Variants in MBD5 observed in about 807,000 individuals in gnomAD.
MBD5 encodes methyl-CpG binding domain protein 5.
A neutral mutation model predicts 117.3 loss-of-function variants in MBD5; 13 were observed. That is an observed-to-expected ratio of 0.11 (90% CI 0.07 to 0.18). The LOEUF is 0.18. Among genes scored for constraint, MBD5 ranks in the 10% least tolerant of loss-of-function variants. The pLI is 1.00. For missense variants in MBD5, 1,879 were observed against 2,093.8 expected, an observed-to-expected ratio of 0.90 and a Z score of 2.00; for synonymous variants, 727 against 766.4, an observed-to-expected ratio of 0.95 and a Z score of 0.85.
At chr2:148,422,572 A>T (rs536604118) in intron 4 of MBD5, among the ~76,000 whole-genome samples, 3 of 152,334 alleles carry the variant, frequency 2.0e-5, no homozygotes, top group Admixed American at 1.3e-4. Context: ...ACAGAACTGG[A>T]CAGAGAATGA....
chr2:148,414,799 T>A (rs1462983475), intron 4 of MBD5, among the ~76,000 whole-genome samples: 1 of 152,192 alleles, frequency 6.6e-6, no homozygotes, highest in East Asian at 1.9e-4. Flanking sequence ...TTTTTTCTGT[T>A]TTCTAATATC....
chr2:148,281,151 A>G (rs1302955510), intron 3 of MBD5, among the ~76,000 whole-genome samples: 1 of 152,170 alleles, frequency 6.6e-6, no homozygotes, highest in Non-Finnish European at 1.5e-5. Flanking sequence ...GATATCTTAG[A>G]CATTATCTGT....
At chr2:148,127,289 A>ATTGG (rs1696924966) in intron 1 of MBD5, among the ~76,000 whole-genome samples, 1 of 152,090 alleles carries the variant, frequency 6.6e-6, no homozygotes, top group Non-Finnish European at 1.5e-5. Context: ...GGTTGGTTAC[A>ATTGG]TAGGTAAACG....
At chr2:148,092,392 G>T (rs1183763508) in intron 1 of MBD5, among the ~76,000 whole-genome samples, 3 of 152,090 alleles carry the variant, frequency 2.0e-5, no homozygotes, top group Admixed American at 2.0e-4. Flanking sequence ...ATTTGCAATT[G>T]CAAAAATAAA....
chr2:148,239,270 A>T (rs890421758), intron 3 of MBD5, among the ~76,000 whole-genome samples: 1 of 151,412 alleles, frequency 6.6e-6, no homozygotes, highest in Non-Finnish European at 1.5e-5. Context: ...TTCCTTGATC[A>T]TTCATTTTCC....
intron 1 of MBD5, among the ~76,000 whole-genome samples, chr2:148,124,054 G>C (rs1696831480): frequency 6.6e-6 from 1 of 152,148 alleles, no homozygotes; most frequent in African/African-American, 2.4e-5. Flanking sequence ...CAAGGAAGGT[G>C]GATCACTTGA....
intron 3 of MBD5, among the ~76,000 whole-genome samples, chr2:148,257,848 A>G (rs1018404109): frequency 1.3e-5 from 2 of 152,178 alleles, no homozygotes; most frequent in Non-Finnish European, 2.9e-5. Context: ...GTCTAAGTCC[A>G]CTACGTAGTG....
chr2:148,113,734 GT>G (rs1279603425), intron 1 of MBD5, among the ~76,000 whole-genome samples: 2 of 151,998 alleles, frequency 1.3e-5, no homozygotes, highest in African/African-American at 2.4e-5. Flanking sequence ...TGTCTACTAA[GT>G]GGTTAACATA....
At chr2:148,349,536 A>T (rs1288248801) in intron 4 of MBD5, among the ~76,000 whole-genome samples, 1 of 151,988 alleles carries the variant, frequency 6.6e-6, no homozygotes, top group Non-Finnish European at 1.5e-5. Flanking sequence ...TCATTCACAC[A>T]ACTTAAGTCA....
At chr2:148,304,492 T>C (rs1328090080) in intron 3 of MBD5, among the ~76,000 whole-genome samples, 5 of 152,186 alleles carry the variant, frequency 3.3e-5, no homozygotes, top group Non-Finnish European at 7.4e-5. Flanking sequence ...CCAACATCCT[T>C]AATAAAGCTT....
At chr2:148,445,883 C>T (rs1019471247) in intron 4 of MBD5, among the ~76,000 whole-genome samples, 13 of 151,360 alleles carry the variant, frequency 8.6e-5, no homozygotes, top group South Asian at 2.1e-4. Context: ...CTCTAATGGC[C>T]GGTGATGATG....
At chr2:148,470,984 T>C (rs1680777859) in intron 8 of MBD5, 1 of 152,798 alleles carries the variant, frequency 6.5e-6, no homozygotes, top group Admixed American at 6.5e-5. Context: ...TGTCTTCTAA[T>C]GTGTTTTCTT....
At chr2:148,413,333 AGC>A in intron 4 of MBD5, among the ~76,000 whole-genome samples, 1 of 152,204 alleles carries the variant, frequency 6.6e-6, no homozygotes, top group East Asian at 1.9e-4. Flanking sequence ...ATGGTGGATT[AGC>A]TTTTTGTTGT....
At chr2:148,280,456 G>C (rs1282876230) in intron 3 of MBD5, among the ~76,000 whole-genome samples, 2 of 151,958 alleles carry the variant, frequency 1.3e-5, no homozygotes, top group Non-Finnish European at 2.9e-5. Flanking sequence ...CTTGAGGTGG[G>C]TATCTCACTC....
At chr2:148,327,736 C>A (rs553920485) in intron 3 of MBD5, among the ~76,000 whole-genome samples, 17 of 152,128 alleles carry the variant, frequency 1.1e-4, no homozygotes, top group Non-Finnish European at 1.9e-4. Flanking sequence ...TCTAGTTATA[C>A]ATTCTTTTAA....
At chr2:148,445,594 C>T (rs1347330016) in intron 4 of MBD5, among the ~76,000 whole-genome samples, 2 of 151,380 alleles carry the variant, frequency 1.3e-5, no homozygotes, top group Non-Finnish European at 2.9e-5. Flanking sequence ...CCTCAATAAA[C>T]ATATGTGTAA....
chr2:148,436,430 C>A (rs35253184), intron 4 of MBD5, among the ~76,000 whole-genome samples: 1 of 152,038 alleles, frequency 6.6e-6, no homozygotes, highest in Admixed American at 6.6e-5. Context: ...TGGAATGCAG[C>A]GATGTGATCT....
intron 1 of MBD5, among the ~76,000 whole-genome samples, chr2:148,114,412 G>T (rs1450252026): frequency 1.3e-5 from 2 of 152,158 alleles, no homozygotes; most frequent in Non-Finnish European, 1.5e-5. Context: ...AGAGGTTGCA[G>T]TGAGCTGAGA....
At chr2:148,087,663 A>G (rs1275451054) in intron 1 of MBD5, among the ~76,000 whole-genome samples, 1 of 152,128 alleles carries the variant, frequency 6.6e-6, no homozygotes, top group Non-Finnish European at 1.5e-5. Flanking sequence ...CCTAGGACAA[A>G]AGGGAGTGCA....
Sources: gnomAD v4.1 joint callset for allele counts (sites outside exome capture counted in the v4.1 genomes callset) on GRCh38, gnomAD v4.1.1 for gene constraint, MANE v1.5 for transcripts, NCBI Gene and HGNC (gene_info 2026-07-23, HGNC 2026-07-21) for gene names.